The following HIVEP3 variants were observed in gnomAD, a reference collection of about 807,000 sequenced individuals.
HIVEP3 encodes the protein HIVEP zinc finger 3, also known as transcription factor HIVEP3.
Under a neutral mutation model 152.8 loss-of-function variants are expected in HIVEP3, and 49 were observed. The observed-to-expected ratio is 0.32, with a 90% CI of 0.26 to 0.41. HIVEP3 has a LOEUF of 0.41. Among genes scored for constraint, HIVEP3 ranks in the 10% least tolerant of loss-of-function variants. The pLI is 1.00. For missense variants in HIVEP3, 2,790 were observed against 3,103.3 expected (o/e 0.90, Z 2.40); for synonymous variants, 1,269 against 1,289.0 (o/e 0.98, Z 0.33).
chr1:41,989,681 T>C (rs1645345331), intron 1 of HIVEP3, among the ~76,000 whole-genome samples: 1 of 152,094 alleles, frequency 6.6e-6, no homozygotes, highest in Admixed American at 6.5e-5. Context: ...TAAAATTGTA[T>C]TAGACCAGAA....
intron 1 of HIVEP3, among the ~76,000 whole-genome samples, chr1:41,744,267 C>T (rs1202038464): frequency 1.3e-5 from 2 of 152,312 alleles, no homozygotes; most frequent in East Asian, 3.9e-4. Context: ...TCTCGATCTC[C>T]TGACCTCGTG....
At chr1:41,588,161 T>C (rs972738499) in intron 3 of HIVEP3, among the ~76,000 whole-genome samples, 39 of 152,200 alleles carry the variant, frequency 2.6e-4, no homozygotes, top group African/African-American at 8.9e-4. Flanking sequence ...CAGAGAGAAC[T>C]GCTCTTTGGG....
intron 1 of HIVEP3, among the ~76,000 whole-genome samples, chr1:41,952,026 G>A (rs555245757): frequency 6.6e-6 from 1 of 152,278 alleles, no homozygotes; most frequent in Admixed American, 6.5e-5. Flanking sequence ...GCAGAAACTG[G>A]ACTGGAAGAT....
At chr1:41,811,390 G>C (rs566771818) in intron 1 of HIVEP3, among the ~76,000 whole-genome samples, 1 of 151,308 alleles carries the variant, frequency 6.6e-6, no homozygotes, top group Admixed American at 6.6e-5. Flanking sequence ...AAAACAGTCT[G>C]GTGTTAACCT....
At chr1:41,528,150 A>G (rs1261782137) in intron 5 of HIVEP3, among the ~76,000 whole-genome samples, 1 of 96,442 alleles carries the variant, frequency 1.0e-5, no homozygotes, top group African/African-American at 4.9e-5. Context: ...ACACCCCTAC[A>G]CTCACACTTG....
chr1:41,639,594 T>A (rs11210506), intron 2 of HIVEP3, among the ~76,000 whole-genome samples: 2 of 152,126 alleles, frequency 1.3e-5, no homozygotes, highest in African/African-American at 4.8e-5. Flanking sequence ...CCTCTGTCAA[T>A]CTCTCCTCCT....
chr1:41,589,904 A>G (rs951930465), intron 3 of HIVEP3, among the ~76,000 whole-genome samples: 3 of 152,272 alleles, frequency 2.0e-5, no homozygotes, highest in Admixed American at 2.0e-4. Flanking sequence ...CAAAAATATA[A>G]GAAAACTTTC....
At chr1:41,726,359 T>C (rs1646752277) in intron 1 of HIVEP3, among the ~76,000 whole-genome samples, 1 of 151,996 alleles carries the variant, frequency 6.6e-6, no homozygotes, top group Non-Finnish European at 1.5e-5. Flanking sequence ...AACTACCAAA[T>C]AGAACCAGCA....
chr1:42,028,444 A>T (rs1468353849), intron 1 of HIVEP3, among the ~76,000 whole-genome samples: 1 of 152,144 alleles, frequency 6.6e-6, no homozygotes, highest in Non-Finnish European at 1.5e-5. Context: ...CTTGACACAC[A>T]GCTTCTTTAC....
At chr1:41,831,724 A>G (rs1471080523) in intron 1 of HIVEP3, among the ~76,000 whole-genome samples, 3 of 152,188 alleles carry the variant, frequency 2.0e-5, no homozygotes, top group Non-Finnish European at 4.4e-5. Flanking sequence ...AAAAGTGAAC[A>G]CTGGTTGAGG....
chr1:41,723,501 C>CCACACACACACA (rs35823066), intron 1 of HIVEP3, among the ~76,000 whole-genome samples: 4 of 146,552 alleles, frequency 2.7e-5, no homozygotes, highest in African/African-American at 1.0e-4. Context: ...CACACAGCCA[C>CCACACACACACA]CACACACACA....
chr1:41,549,071 G>A (rs1214259777), intron 5 of HIVEP3, among the ~76,000 whole-genome samples: 2 of 145,576 alleles, frequency 1.4e-5, no homozygotes, highest in Non-Finnish European at 3.0e-5. Flanking sequence ...TCCCCATCCT[G>A]TGTCCAATGT....
Position 42,004,490 on chromosome 1 carries a change from T to C in HIVEP3, n.119+31317A>G, listed in dbSNP as rs571107755. The stretch of plus-strand genomic sequence containing the variant: ...CTAGGTGACGTGGGCAGCTGCAACC[T>C]CTCTGAGTTACTATTGCATCATGGG... On this transcript the variant is annotated intron_variant and non_coding_transcript_variant, in intron 1 of 3. Coordinates refer to the HIVEP3 transcript ENST00000489103. Among the ~76,000 whole-genome samples, 9 of 152,250 alleles carry C rather than the reference T, an allele frequency of 5.9e-5. No individual in the cohort carries two copies. In the South Asian group the frequency reaches 1.9e-3, roughly 32 times the overall value.
intron 5 of HIVEP3, among the ~76,000 whole-genome samples, chr1:41,554,349 G>T (rs1643933416): frequency 6.6e-6 from 1 of 152,110 alleles, no homozygotes; most frequent in Non-Finnish European, 1.5e-5. Context: ...GGTCATTTAA[G>T]GTCTTCTCTA....
At position 41,731,266 on chromosome 1, in the gene HIVEP3, G is replaced by A. The variant is rs554596640; in HGVS notation, c.-800-30271C>T. ...ATTCTCCTTGTCCTCAGGCAGCTCC[G>A]GAGCCATCAACCTGGCCAGTCTTCA... On this transcript the variant is annotated intron_variant, in intron 1 of 8. Transcript: ENST00000372583. 5.3e-4 allele frequency among the ~76,000 whole-genome samples: 81 copies of A among 152,174 alleles called. 1 individual carries two copies. Among genetic ancestry groups the A allele is most frequent in the African/African-American group, 1.1e-3 (46 of 41,502 alleles).
At position 41,906,078 on chromosome 1, in the gene HIVEP3, G is replaced by A. The variant is rs1376679838; in HGVS notation, c.-801+12335C>T. On this transcript the variant is annotated intron_variant, in intron 1 of 8. Transcript: ENST00000372583. ...TAATCCCAGCACTTTAGGAGGCCAA[G>A]GCAGGTGGATCATGAGGTCAGGAGT... Among the ~76,000 whole-genome samples, 6 of 152,286 alleles carry A rather than the reference G, an allele frequency of 3.9e-5. No individual in the cohort carries two copies. The East Asian group carries it at 9.7e-4, about 24-fold the overall frequency.
chr1:41,759,808 C>T (rs918104077), intron 1 of HIVEP3, among the ~76,000 whole-genome samples: 1 of 152,202 alleles, frequency 6.6e-6, no homozygotes, highest in Admixed American at 6.5e-5. Flanking sequence ...TTTCTTTGTA[C>T]TTTGGTCATC....
chr1:41,823,310 T>C (rs1300252740), intron 1 of HIVEP3, among the ~76,000 whole-genome samples: 1 of 152,214 alleles, frequency 6.6e-6, no homozygotes, highest in Non-Finnish European at 1.5e-5. Context: ...CAGACTAATA[T>C]ACCCAAAGAC....
intron 1 of HIVEP3, among the ~76,000 whole-genome samples, chr1:41,961,646 T>C (rs1008897945): frequency 1.5e-4 from 23 of 152,248 alleles, no homozygotes; most frequent in Non-Finnish European, 3.1e-4. Flanking sequence ...TAAATGCTCA[T>C]AACTGTACAC....
Sources: gnomAD v4.1 joint callset for allele counts (sites outside exome capture counted in the v4.1 genomes callset) on GRCh38, gnomAD v4.1.1 for gene constraint, MANE v1.5 for transcripts, NCBI Gene and HGNC (gene_info 2026-07-23, HGNC 2026-07-21) for gene names.